Variants in KIAA1549 observed in about 807,000 individuals in gnomAD.
KIAA1549 encodes the protein KIAA1549, also known as UPF0606 protein KIAA1549.
Under a neutral mutation model 156.4 loss-of-function variants are expected in KIAA1549, and 70 were observed. That is an observed-to-expected ratio of 0.45 (90% CI 0.37 to 0.55). The LOEUF (loss-of-function observed/expected upper bound fraction) is 0.55. Ranked by LOEUF, KIAA1549 falls within the 20% of genes least tolerant of loss-of-function variation. The pLI is 0.00. For synonymous variants in KIAA1549, 1,103 were observed against 1,066.4 expected, an observed-to-expected ratio of 1.03 and a Z score of -0.67; for missense variants, 2,428 against 2,540.9, an observed-to-expected ratio of 0.96 and a Z score of 0.96.
chr7:138,941,537 A>C (rs1813184105), intron 1 of KIAA1549, among the ~76,000 whole-genome samples: 1 of 152,212 alleles, frequency 6.6e-6, no homozygotes, highest in East Asian at 1.9e-4. Flanking sequence ...AACAGCAAAA[A>C]ATAATCTGAA....
intron 13 of KIAA1549, 135 bp from the exon 14 acceptor site, chr7:138,869,896 C>A (rs149950476): frequency 7.3e-6 from 5 of 686,382 alleles, no homozygotes; most frequent in South Asian, 2.0e-5. Flanking sequence ...GTTGCCCAGG[C>A]TGGAGTGCAA....
rs112985785 is a variant in KIAA1549 at position 138,839,744 on chromosome 7, C to A, written c.5598+389G>T. Among the ~76,000 whole-genome samples, 31 of 148,798 alleles carry A rather than the reference C, an allele frequency of 2.1e-4. No individual in the cohort carries two copies. The East Asian group carries it at 3.5e-3, about 17-fold the overall frequency. On this transcript the variant is annotated intron_variant, in intron 19 of 19. Coordinates refer to ENST00000422774, the MANE Select transcript of KIAA1549 (RefSeq NM_001164665.2). Reference sequence around the variant, plus strand: ...TGTAGGTTTTAAAAAGGGACCCCCCCCAAAGCAGAAGCTGCTAAATTGAGG... The same window carrying A: ...TGTAGGTTTTAAAAAGGGACCCCCCACAAAGCAGAAGCTGCTAAATTGAGG...
chr7:138,888,573 A>AC (rs1811463214), intron 10 of KIAA1549, among the ~76,000 whole-genome samples: 1 of 152,152 alleles, frequency 6.6e-6, no homozygotes, highest in Non-Finnish European at 1.5e-5. Flanking sequence ...TCTTTTCTAA[A>AC]CCCCACACTT....
In KIAA1549 at chr7:138,832,149, T is replaced by C; in HGVS notation, c.*5757A>G. On this transcript the variant is annotated 3_prime_UTR_variant, in exon 20 of 20. Transcript: ENST00000422774. ...TGTGTAATCAGGGACTGCAAGAGAC[T>C]CAAGTCACTCAAAATTTCACCTCTG... 1 of 213,942 alleles carries C rather than the reference T, an allele frequency of 4.7e-6. No homozygotes were observed. The highest frequency in any genetic ancestry group is 2.3e-5 in the African/African-American group (1 of 43,600). 13.3% of individuals were successfully genotyped at this position (213,942 alleles called of 1,614,324 possible).
rs147325206 is a variant in KIAA1549 at position 138,967,489 on chromosome 7, TA to T, written c.187+13593del. ...TTGCAATGAATGCATATCGTTTTTA[TA>T]ATCAGGAAAAAGCCAATAAAGATAT... is the stretch of plus-strand genomic sequence containing the variant. On this transcript the variant is annotated intron_variant, in intron 1 of 19. Coordinates refer to ENST00000422774, the MANE Select transcript of KIAA1549 (RefSeq NM_001164665.2). Among the ~76,000 whole-genome samples the T allele has an allele frequency of 4.0e-3, 615 of 152,302 alleles. 4 individuals carry two copies. Among genetic ancestry groups the T allele is most frequent in the African/African-American group, 0.014 (598 of 41,568 alleles).
At chr7:138,859,754 C>T (rs6976653) in intron 16 of KIAA1549, among the ~76,000 whole-genome samples, 68,300 of 151,994 alleles carry the variant, frequency 0.45, 17,589 homozygotes, top group African/African-American at 0.71. Flanking sequence ...TAATGTCAAG[C>T]CACCCAGATA....
chr7:138,944,371 C>A (rs138789524), intron 1 of KIAA1549, among the ~76,000 whole-genome samples: 132 of 152,158 alleles, frequency 8.7e-4, no homozygotes, highest in South Asian at 6.2e-4. Flanking sequence ...CAATTCATAC[C>A]CATAGGATGG....
At chr7:138,856,039 T>TTA (rs904729441) in intron 16 of KIAA1549, among the ~76,000 whole-genome samples, 9 of 151,120 alleles carry the variant, frequency 6.0e-5, no homozygotes, top group African/African-American at 2.2e-4. Context: ...TTATTTTATT[T>TTA]TTTTTTTTTT....
At position 138,916,865 on chromosome 7, in the gene KIAA1549, G is replaced by A. The variant is rs143475803; in HGVS notation, c.2761C>T (p.Leu921=). ...ESSAAPPLPS[L]RPVTAFTLEA... ...AGAGTGAAGGCAGTCACGGGACGCA[G>A]GGATGGCAGGGGAGGAGCAGCACTA... is the stretch of plus-strand genomic sequence containing the variant. The change falls in exon 2 of 20, where the codon CTG becomes TTG. Residue 921 remains leucine (L), a synonymous_variant. Coordinates refer to ENST00000422774, the MANE Select transcript of KIAA1549 (RefSeq NM_001164665.2). The A allele has an allele frequency of 1.6e-4, 252 of 1,613,956 alleles. 1 individual carries two copies. In the African/African-American group the frequency reaches 2.9e-3, roughly 18 times the overall value.
intron 17 of KIAA1549, among the ~76,000 whole-genome samples, chr7:138,850,895 G>A (rs1810215088): frequency 6.6e-6 from 1 of 152,150 alleles, no homozygotes; most frequent in South Asian, 2.1e-4. Flanking sequence ...TATACTCTGA[G>A]TGATTTCACT....
chr7:138,856,265 C>G (rs528410289), intron 16 of KIAA1549, among the ~76,000 whole-genome samples: 1 of 151,868 alleles, frequency 6.6e-6, no homozygotes, highest in South Asian at 2.1e-4. Flanking sequence ...GTCTCGATCT[C>G]CTGACCTCGT....
intron 16 of KIAA1549, among the ~76,000 whole-genome samples, chr7:138,859,030 C>T (rs929609221): frequency 2.0e-5 from 3 of 151,542 alleles, no homozygotes; most frequent in Non-Finnish European, 2.9e-5. Context: ...CACACACACA[C>T]ACACACACAC....
At chr7:138,909,712 T>G (rs886456523) in intron 4 of KIAA1549, among the ~76,000 whole-genome samples, 1 of 151,992 alleles carries the variant, frequency 6.6e-6, no homozygotes, top group Non-Finnish European at 1.5e-5. Context: ...TTTGGGAGGC[T>G]GAGGCGGGCA....
intron 1 of KIAA1549, among the ~76,000 whole-genome samples, chr7:138,950,500 C>T (rs1001676370): frequency 6.6e-6 from 1 of 152,208 alleles, no homozygotes; most frequent in African/African-American, 2.4e-5. Flanking sequence ...GAAAACCCAC[C>T]TCTGGAATAC....
At position 138,832,651 on chromosome 7, in the gene KIAA1549, C is replaced by A. The variant is rs1232277742; in HGVS notation, c.*5255G>T. ...ATTGCTTCTGTCACTTTCTTACTGG[C>A]TCCTAACTTTGTTTCATGTTTCCAA... On this transcript the variant is annotated 3_prime_UTR_variant, in exon 20 of 20. Transcript: ENST00000422774. 2.3e-5 allele frequency: 5 copies of A among 214,878 alleles called. No homozygotes were observed. Among genetic ancestry groups the A allele is most frequent in the Middle Eastern group, 1.4e-3 (1 of 698 alleles). The allele number at this position is 214,878 out of a possible 1,614,324, so 13.3% of individuals were successfully genotyped here. A position where few individuals can be genotyped will look rare whatever the true frequency, so the allele number is the denominator to read the frequency against.
At position 138,909,140 on chromosome 7, in the gene KIAA1549, A is replaced by G; in HGVS notation, c.3146-19T>C. The stretch of plus-strand genomic sequence containing the variant: ...TGAAGTACTGAAAAGAAAAGCAATC[A>G]AAGTCCCATAAATGAGGTGTTTGTG... On this transcript the variant is annotated intron_variant, in intron 4 of 19. Coordinates refer to ENST00000422774, the MANE Select transcript of KIAA1549 (RefSeq NM_001164665.2). 1 of 1,603,426 alleles carries G rather than the reference A, an allele frequency of 6.2e-7. No homozygotes were observed.
chr7:138,967,554 T>C (rs1814067795), intron 1 of KIAA1549, among the ~76,000 whole-genome samples: 1 of 152,130 alleles, frequency 6.6e-6, no homozygotes, highest in Non-Finnish European at 1.5e-5. Context: ...AAAAGCCCAA[T>C]TCTAGGGGCT....
Position 138,834,427 on chromosome 7 carries a change from G to A in KIAA1549, c.*3479C>T. 5.0e-6 allele frequency: 1 copy of A among 199,572 alleles called. No homozygotes were observed. The highest frequency in any genetic ancestry group is 1.0e-5 in the Non-Finnish European group (1 of 96,598). 12.4% of individuals were successfully genotyped at this position (199,572 alleles called of 1,614,324 possible). On this transcript the variant is annotated 3_prime_UTR_variant, in exon 20 of 20. Coordinates refer to ENST00000422774, the MANE Select transcript of KIAA1549 (RefSeq NM_001164665.2). ...GCCTCCCAAAATGCTGGGATTACAG[G>A]CGTGAGCCACCGCGCCTGATCTCTT...
Position 138,903,619 on chromosome 7 carries a change from G to A in KIAA1549, c.3638C>T (p.Ala1213Val). The A allele has an allele frequency of 6.2e-7, 1 of 1,613,582 alleles. No individual in the cohort carries two copies. Among genetic ancestry groups the A allele is most frequent in the South Asian group, 1.1e-5 (1 of 90,952 alleles). The stretch of plus-strand genomic sequence containing the variant: ...CACACTGTTCCCTGCAGCTACAGTG[G>A]CCCTTCTCCACATCCGCCTTCTGGT... ...VSTRRRMWRR[A>V]TVAAGNSVVQ... Residue 1213 changes from alanine (A) to valine (V), a missense_variant, in exon 8 of 20, where the codon GCC (alanine) becomes GTC (valine). Physicochemically the swap from Ala to Val is moderately conservative, Grantham distance 64 (BLOSUM62 0). This residue lies in a region of KIAA1549 where 762 missense variants were observed against 901.6 expected (regional missense o/e 0.85). Transcript: ENST00000422774.
Sources: gnomAD v4.1 joint callset for allele counts (sites outside exome capture counted in the v4.1 genomes callset) on GRCh38, gnomAD v4.1.1 for gene constraint, gnomAD v4.1.1 regional missense constraint, MANE v1.5 for transcripts, NCBI Gene and HGNC (gene_info 2026-07-23, HGNC 2026-07-21) for gene names.